Variants in MEI1 observed in about 807,000 individuals in gnomAD.
MEI1 encodes the protein meiotic double-stranded break formation protein 1.
A neutral mutation model predicts 146.2 loss-of-function variants in MEI1; 103 were observed. The observed-to-expected ratio is 0.70, with a 90% CI of 0.60 to 0.83. MEI1 has a LOEUF of 0.83. Among genes scored for constraint, MEI1 ranks in the 40% least tolerant of loss-of-function variants. MEI1 has a pLI of 0.00. For missense variants in MEI1, 1,529 were observed against 1,533.0 expected, an observed-to-expected ratio of 1.00 and a Z score of 0.04; for synonymous variants, 652 against 628.2, an observed-to-expected ratio of 1.04 and a Z score of -0.57.
chr22:41,714,194 C>T (rs1021356550), intron 4 of MEI1, 119 bp downstream of exon 4: 3 of 928,856 alleles, frequency 3.2e-6, no homozygotes, highest in Non-Finnish European at 3.3e-6. Flanking sequence ...TTCCTGAGGT[C>T]ACTGAGTTGG....
chr22:41,784,491 A>G (rs1208030695), intron 25 of MEI1, 71 bp downstream of exon 25: 66 of 1,593,524 alleles, frequency 4.1e-5, no homozygotes, highest in Non-Finnish European at 1.4e-5. Context: ...CAGCACCCTG[A>G]CCAGCCAATG....
intron 4 of MEI1, among the ~76,000 whole-genome samples, chr22:41,714,890 A>T (rs1399274925): frequency 2.6e-5 from 4 of 152,128 alleles, no homozygotes; most frequent in Admixed American, 6.6e-5. Context: ...AAAAAAAAAA[A>T]ATATCAGTTA....
chr22:41,748,190 C>A lies in MEI1; in HGVS notation c.1764C>A (p.His588Gln), dbSNP rs2073475136. 6 of 1,613,648 alleles carry A rather than the reference C, an allele frequency of 3.7e-6. No individual in the cohort carries two copies. Among genetic ancestry groups the A allele is most frequent in the Non-Finnish European group, 5.1e-6 (6 of 1,179,700 alleles). The change falls in exon 15 of 31, where the codon CAC becomes CAA. Residue 588 changes from histidine to glutamine, a missense_variant. Physicochemically the swap from His to Gln is conservative, Grantham distance 24. This residue lies in a region of MEI1 where 1,212 missense variants were observed against 1,178.9 expected (regional missense o/e 1.03). Coordinates refer to ENST00000401548, the MANE Select transcript of MEI1 (RefSeq NM_152513.4). Reference sequence around the variant, plus strand: ...ATAACCTCTTTGTCATCGTTCCCCACATGAAGGAGAAGTTTTCCAAGAAGC... The same window carrying A: ...ATAACCTCTTTGTCATCGTTCCCCAAATGAAGGAGAAGTTTTCCAAGAAGC... The part of the protein sequence containing the change: ...ILHNLFVIVP[H>Q]MKEKFSKKLA...
At chr22:41,761,684 G>A (rs2074506975) in intron 18 of MEI1, among the ~76,000 whole-genome samples, 1 of 152,118 alleles carries the variant, frequency 6.6e-6, no homozygotes, top group Non-Finnish European at 1.5e-5. Flanking sequence ...CCATTTTAAA[G>A]TGAACAATTC....
At chr22:41,782,273 AGGT>A (rs1463879014) in intron 24 of MEI1, among the ~76,000 whole-genome samples, 1 of 152,132 alleles carries the variant, frequency 6.6e-6, no homozygotes, top group Non-Finnish European at 1.5e-5. Flanking sequence ...GGGAGTGGTG[AGGT>A]GCTCTGTGTG....
chr22:41,788,977 C>T (rs73428937), intron 26 of MEI1, among the ~76,000 whole-genome samples: 2,732 of 152,214 alleles, frequency 0.018, 86 homozygotes, highest in African/African-American at 0.061. Context: ...GCTGGGACTA[C>T]GGGTATACAC....
At position 41,746,004 on chromosome 22, in the gene MEI1, C is replaced by G. The variant is rs775373625; in HGVS notation, c.1658C>G (p.Ser553Trp). Residue 553 changes from serine to tryptophan, a missense_variant, in exon 14 of 31, where the codon TCG (serine) becomes TGG (tryptophan). Around this residue, in one of 3 missense-constraint regions of MEI1, gnomAD observed 1,212 missense variants for 1,178.9 expected, o/e 1.03. Transcript: ENST00000401548. ...GAATTTCTTCTCAGTGCCTGTGACTCGCTGTGTATCCCCATGGTGATGGTG... is the reference window on the plus strand; with the variant it reads ...GAATTTCTTCTCAGTGCCTGTGACTGGCTGTGTATCCCCATGGTGATGGTG... ...FSEFLLSACD[S>W]LCIPMVMRHL... 2.5e-6 allele frequency: 4 copies of G among 1,606,480 alleles called. No homozygotes were observed. The highest frequency in any genetic ancestry group is 3.4e-6 in the Non-Finnish European group (4 of 1,176,376).
chr22:41,776,169 G>A lies in MEI1; in HGVS notation c.2612G>A (p.Arg871Lys). ...CTGATTAGCCTGAGGACCTTCCTGA[G>A]GAGGAATGAGGATATCCAAGTGGGC... Reference protein sequence around the residue: ...KVLISLRTFLRRNEDIQVGGL... With the variant: ...KVLISLRTFLKRNEDIQVGGL... The change falls in exon 21 of 31, where the codon AGG becomes AAG. Residue 871 changes from arginine to lysine, a missense_variant. By Grantham distance (26) the Arg-to-Lys change is conservative (BLOSUM62 2). Around this residue, in one of 3 missense-constraint regions of MEI1, gnomAD observed 1,212 missense variants for 1,178.9 expected, o/e 1.03. Transcript: ENST00000401548. 6.2e-7 allele frequency: 1 copy of A among 1,613,990 alleles called. No homozygotes were observed. Among genetic ancestry groups the A allele is most frequent in the Non-Finnish European group, 8.5e-7 (1 of 1,179,886 alleles).
intron 11 of MEI1, among the ~76,000 whole-genome samples, chr22:41,735,215 G>C (rs1197166138): frequency 6.8e-6 from 1 of 147,890 alleles, no homozygotes; most frequent in Non-Finnish European, 1.5e-5. Context: ...GCCCGCTTCG[G>C]CCTCCCAAAG....
intron 26 of MEI1, among the ~76,000 whole-genome samples, chr22:41,787,597 G>T (rs1027302254): frequency 6.6e-6 from 1 of 152,108 alleles, no homozygotes. Flanking sequence ...CTAGTATCTT[G>T]CCTGCTAGAT....
chr22:41,766,015 T>C (rs1263301025), intron 19 of MEI1, among the ~76,000 whole-genome samples: 1 of 149,156 alleles, frequency 6.7e-6, no homozygotes, highest in Non-Finnish European at 1.5e-5. Flanking sequence ...CTCAGCCTCC[T>C]GAGTAGCTGG....
intron 21 of MEI1, 89 bp downstream of exon 21, chr22:41,776,356 G>C (rs2075436540): frequency 7.1e-7 from 1 of 1,402,088 alleles, no homozygotes; most frequent in South Asian, 1.3e-5. Context: ...CTCCAGGAGA[G>C]AGAATCAGGG....
chr22:41,747,736 C>CAA (rs2073427958), intron 14 of MEI1, among the ~76,000 whole-genome samples: 3 of 133,212 alleles, frequency 2.3e-5, no homozygotes, highest in African/African-American at 5.8e-5. Context: ...CCCACCCCCC[C>CAA]AAAAAAAACA....
chr22:41,770,763 G>T lies in MEI1; in HGVS notation c.2346G>T (p.Leu782=), dbSNP rs766076609. Residue 782 remains leucine, a synonymous_variant, in exon 20 of 31, where the codon CTG becomes CTT. Transcript: ENST00000401548. ...TAGTCTATACTCACCATCCGCTCCTGCTCAGGTTCTTTCTGTTGTATCCAG... is the reference window on the plus strand; with the variant it reads ...TAGTCTATACTCACCATCCGCTCCTTCTCAGGTTCTTTCTGTTGTATCCAG... ...LQLVYTHHPL[L]LRFFLLYPEL... 1.9e-6 allele frequency: 3 copies of T among 1,613,902 alleles called. No individual in the cohort carries two copies. The highest frequency in any genetic ancestry group is 3.3e-5 in the Admixed American group (2 of 60,002).
intron 6 of MEI1, among the ~76,000 whole-genome samples, chr22:41,719,609 G>A (rs979930294): frequency 6.6e-6 from 1 of 152,120 alleles, no homozygotes; most frequent in South Asian, 2.1e-4. Context: ...AACACCACCC[G>A]TAGGTCCCAG....
chr22:41,780,719 T>C (rs1276588846), intron 22 of MEI1, among the ~76,000 whole-genome samples: 5 of 152,008 alleles, frequency 3.3e-5, no homozygotes, highest in Non-Finnish European at 5.9e-5. Flanking sequence ...TAGCTGGGAC[T>C]ACCAGTGTGT....
At position 41,784,605 on chromosome 22, in the gene MEI1, C is replaced by CA; in HGVS notation, c.3170-2dup. On this transcript the variant is annotated splice_region_variant and splice_polypyrimidine_tract_variant and intron_variant, in intron 25 of 30. Transcript: ENST00000401548. Reference sequence around the variant, plus strand: ...TTGGGTGTAAGGAATCTCCTGCTTCCAGCTGCCATCTTATGCTTCCTGCGG... The same window carrying CA: ...TTGGGTGTAAGGAATCTCCTGCTTCCAAGCTGCCATCTTATGCTTCCTGCGG... 6.2e-7 allele frequency: 1 copy of CA among 1,611,244 alleles called. No homozygotes were observed. Among genetic ancestry groups the CA allele is most frequent in the Non-Finnish European group, 8.5e-7 (1 of 1,179,526 alleles).
intron 3 of MEI1, among the ~76,000 whole-genome samples, chr22:41,712,206 A>AAAAAAAAAAAAAAG (rs2069634922): frequency 7.0e-6 from 1 of 142,812 alleles, no homozygotes; most frequent in South Asian, 2.2e-4. Flanking sequence ...CTCCGGCTCA[A>AAAAAAAAAAAAAAG]AAAAAAAAAA....
rs915419712 is a variant in MEI1, at chr22:41,724,983, C to T, written c.864+910C>T. ...GAGGCATGGCTAATTTTTAACTTTT[C>T]GTAGAGACAGGGATCTTTCTATGTT... is the stretch of plus-strand genomic sequence containing the variant. On this transcript the variant is annotated intron_variant, in intron 7 of 30. Coordinates refer to ENST00000401548, the MANE Select transcript of MEI1 (RefSeq NM_152513.4). Among the ~76,000 whole-genome samples, 4 of 151,712 alleles carry T rather than the reference C, an allele frequency of 2.6e-5. No homozygotes were observed. In the South Asian group the frequency reaches 8.3e-4, roughly 32 times the overall value.
Sources: gnomAD v4.1 joint callset for allele counts (sites outside exome capture counted in the v4.1 genomes callset) on GRCh38, gnomAD v4.1.1 for gene constraint, gnomAD v4.1.1 regional missense constraint, MANE v1.5 for transcripts, NCBI Gene and HGNC (gene_info 2026-07-23, HGNC 2026-07-21) for gene names.